The following TUT1 variants were observed in gnomAD, a reference collection of about 807,000 sequenced individuals.
TUT1 encodes the protein speckle targeted PIP5K1A-regulated poly(A) polymerase.
In TUT1, 26 loss-of-function variants were observed where a neutral mutation model predicts 48.8. The observed-to-expected ratio is 0.53, with a 90% CI of 0.39 to 0.74. The LOEUF (loss-of-function observed/expected upper bound fraction) is 0.74, where lower values mean the gene tolerates loss of function less well. Ranked by LOEUF, TUT1 falls within the 30% of genes least tolerant of loss-of-function variation. The pLI is 0.00. For missense variants in TUT1, 1,065 were observed against 1,114.8 expected (o/e 0.96, Z 0.64); for synonymous variants, 470 against 460.8 (o/e 1.02, Z -0.26).
intron 2 of TUT1, among the ~76,000 whole-genome samples, chr11:62,584,440 CTTTTT>C (rs35237248): frequency 7.7e-6 from 1 of 130,090 alleles, no homozygotes; most frequent in African/African-American, 2.8e-5. Context: ...AAATTGTATA[CTTTTT>C]TTTTTTTTTT....
At position 62,591,446 on chromosome 11, in the gene TUT1, C is replaced by A; in HGVS notation, c.40G>T (p.Gly14Trp). 1 of 1,609,648 alleles carries A rather than the reference C, an allele frequency of 6.2e-7. No homozygotes were observed. The highest frequency in any genetic ancestry group is 8.5e-7 in the Non-Finnish European group (1 of 1,178,022). The stretch of plus-strand genomic sequence containing the variant: ...TGGCAGAGGCAGCAGCGGAACCCCC[C>A]ACGCGGCAGCGATTCGACATCCGAA... The part of the protein sequence containing the change: ...VDSDVESLPR[G>W]GFRCCLCHVT... Residue 14 changes from glycine (G) to tryptophan (W), a missense_variant, in exon 1 of 9, where the codon GGG (glycine) becomes TGG (tryptophan). By Grantham distance (184) the Gly-to-Trp change is radical. Coordinates refer to ENST00000476907, the MANE Select transcript of TUT1 (RefSeq NM_022830.3).
rs752949516 is a variant in TUT1, at chr11:62,575,996, G to A, written c.1723C>T (p.Arg575Ter). Residue 575 changes from arginine (R) to a stop codon, truncating the protein, a stop_gained, in exon 9 of 9, where the codon CGA becomes TGA. Transcript: ENST00000476907. LOFTEE classifies it low-confidence loss of function (END_TRUNC). ...GAACGGCGCTGGTACTGGAGGCTTC[G>A]GCAGTAATTGGCTGCTGCTCGGCAG... is the stretch of plus-strand genomic sequence containing the variant. The part of the protein sequence containing the change: ...NCCRAAANYC[R>*]SLQYQRRSSR... 4 of 1,613,876 alleles carry A rather than the reference G, an allele frequency of 2.5e-6. No individual in the cohort carries two copies. Among genetic ancestry groups the A allele is most frequent in the East Asian group, 2.2e-5 (1 of 44,870 alleles).
Position 62,577,215 on chromosome 11 carries a change from G to A in TUT1, c.1237C>T (p.Leu413Phe). Residue 413 changes from leucine (L) to phenylalanine (F), a missense_variant, in exon 6 of 9, where the codon CTC becomes TTC. Physicochemically the swap from Leu to Phe is conservative, Grantham distance 22. Coordinates refer to ENST00000476907, the MANE Select transcript of TUT1 (RefSeq NM_022830.3). ...DGRVRPLVYT[L>F]RCWAQGRGLS... The stretch of plus-strand genomic sequence containing the variant: ...CCCCGACCCTGAGCCCAGCAGCGGA[G>A]GGTGTACACGAGGGGCCGGACTCGA... The A allele has an allele frequency of 6.2e-7, 1 of 1,610,536 alleles. No individual in the cohort carries two copies. The highest frequency in any genetic ancestry group is 8.5e-7 in the Non-Finnish European group (1 of 1,178,990).
Position 62,575,795 on chromosome 11 carries a change from T to G in TUT1, c.1924A>C (p.Thr642Pro), listed in dbSNP as rs750641487. The G allele has an allele frequency of 1.2e-6, 2 of 1,614,028 alleles. No homozygotes were observed. The highest frequency in any genetic ancestry group is 4.5e-5 in the East Asian group (2 of 44,874). Residue 642 changes from threonine (T) to proline (P), a missense_variant, in exon 9 of 9, where the codon ACG becomes CCG. Thr to Pro is a conservative substitution (Grantham distance 38). Coordinates refer to ENST00000476907, the MANE Select transcript of TUT1 (RefSeq NM_022830.3). Reference sequence around the variant, plus strand: ...CCAGTTCCACCTCCTTCTGACCGCGTTCTCTTGGTTGCCTGTTCTATATGG... The same window carrying G: ...CCAGTTCCACCTCCTTCTGACCGCGGTCTCTTGGTTGCCTGTTCTATATGG... ...GCHIEQATKR[T>P]RSEGGGTGES...
rs536177727 is a variant in TUT1, at chr11:62,588,380, CCT to C, written c.273+649_273+650del. ...ACCAGCCTGGCCAACATGGTGAAAC[CCT>C]GTCTCTACTAAAAATACAAAAATTA... On this transcript the variant is annotated intron_variant, in intron 2 of 8. Coordinates refer to ENST00000476907, the MANE Select transcript of TUT1 (RefSeq NM_022830.3). 2.7e-4 allele frequency among the ~76,000 whole-genome samples: 41 copies of C among 152,246 alleles called. 1 individual carries two copies. In the South Asian group the frequency reaches 6.8e-3, roughly 25 times the overall value.
rs1941722998 is a variant in TUT1 at position 62,576,098 on chromosome 11, G to C, written c.1621C>G (p.Leu541Val). The change falls in exon 9 of 9, where the codon CTC (leucine) becomes GTC (valine). Residue 541 changes from leucine (L) to valine (V), a missense_variant. Leu to Val is a conservative substitution (Grantham distance 32, BLOSUM62 1). Coordinates refer to ENST00000476907, the MANE Select transcript of TUT1 (RefSeq NM_022830.3). ...TGACTCAGGTCAAAAGGGTCCTGGA[G>C]ATTCAGGGGGCCAAGGCGCAGACCC... ...WEGLRLGPLN[L>V]QDPFDLSHNV... 1.2e-6 allele frequency: 2 copies of C among 1,613,932 alleles called. No homozygotes were observed. The highest frequency in any genetic ancestry group is 1.7e-5 in the Admixed American group (1 of 60,016).
In TUT1 at chr11:62,591,041, T is replaced by C. The variant is rs1296418079; in HGVS notation, c.82+363A>G. Among the ~76,000 whole-genome samples, 6 of 152,278 alleles carry C rather than the reference T, an allele frequency of 3.9e-5. No homozygotes were observed. The South Asian group carries it at 8.3e-4, about 21-fold the overall frequency. ...GTGGTCCCACAGTTCTCCGAACATA[T>C]CTATAAAGCATTGAAACTTTCTCAT... On this transcript the variant is annotated intron_variant, in intron 1 of 8. Transcript: ENST00000476907.
chr11:62,577,225 G>T lies in TUT1; in HGVS notation c.1227C>A (p.Leu409=). The T allele has an allele frequency of 6.2e-7, 1 of 1,611,592 alleles. No individual in the cohort carries two copies. Among genetic ancestry groups the T allele is most frequent in the South Asian group, 1.1e-5 (1 of 90,918 alleles). ...CSELDGRVRP[L]VYTLRCWAQG... Reference sequence around the variant, plus strand: ...GAGCCCAGCAGCGGAGGGTGTACACGAGGGGCCGGACTCGACCATCCAGCT... The same window carrying T: ...GAGCCCAGCAGCGGAGGGTGTACACTAGGGGCCGGACTCGACCATCCAGCT... The change falls in exon 6 of 9, where the codon CTC becomes CTA. Residue 409 remains leucine (L), a synonymous_variant. Coordinates refer to ENST00000476907, the MANE Select transcript of TUT1 (RefSeq NM_022830.3).
Position 62,575,824 on chromosome 11 carries a change from C to T in TUT1, c.1895G>A (p.Gly632Glu). 2 of 1,614,182 alleles carry T rather than the reference C, an allele frequency of 1.2e-6. No homozygotes were observed. ...ALVQVFREAL[G>E]CHIEQATKRT... ...CTTGGTTGCCTGTTCTATATGGCAC[C>T]CCAGTGCTTCCCTGAATACCTGCAC... The change falls in exon 9 of 9, where the codon GGG becomes GAG. Residue 632 changes from glycine (G) to glutamate (E), a missense_variant. Gly to Glu is a moderately conservative substitution (Grantham distance 98). Coordinates refer to ENST00000476907, the MANE Select transcript of TUT1 (RefSeq NM_022830.3).
At chr11:62,586,245 G>A (rs1941912662) in intron 2 of TUT1, among the ~76,000 whole-genome samples, 1 of 152,178 alleles carries the variant, frequency 6.6e-6, no homozygotes. Flanking sequence ...TCACACAAAC[G>A]ATGTCTGAGG....
intron 2 of TUT1, among the ~76,000 whole-genome samples, chr11:62,586,822 G>A (rs1279614688): frequency 1.3e-5 from 2 of 151,340 alleles, no homozygotes; most frequent in East Asian, 4.0e-4. Context: ...AGGCTGAGGC[G>A]GGAGAATTGC....
chr11:62,579,029 G>C lies in TUT1; in HGVS notation c.692C>G (p.Pro231Arg). Residue 231 changes from proline to arginine, a missense_variant and splice_region_variant, in exon 5 of 9, where the codon CCA (proline) becomes CGA (arginine). By Grantham distance (103) the Pro-to-Arg change is moderately radical (BLOSUM62 -2). Transcript: ENST00000476907. ...LDLGDLEEPQ[P>R]VPKAPESPSL... Reference sequence around the variant, plus strand: ...TGGAGATTCTGGAGCCTTTGGGACTGGCTGTGGACAGAAATGAACTGAGTG... The same window carrying C: ...TGGAGATTCTGGAGCCTTTGGGACTCGCTGTGGACAGAAATGAACTGAGTG... 1 of 1,508,718 alleles carries C rather than the reference G, an allele frequency of 6.6e-7. No individual in the cohort carries two copies. Among genetic ancestry groups the C allele is most frequent in the South Asian group, 1.4e-5 (1 of 73,418 alleles). 93.5% of individuals were successfully genotyped at this position (1,508,718 alleles called of 1,614,324 possible). A position where few individuals can be genotyped will look rare whatever the true frequency, so the allele number is the denominator to read the frequency against.
chr11:62,590,669 C>G (rs1941995985), intron 1 of TUT1, among the ~76,000 whole-genome samples: 1 of 150,990 alleles, frequency 6.6e-6, no homozygotes, highest in Non-Finnish European at 1.5e-5. Context: ...AGAAATTAGC[C>G]AAGTATGGTG....
chr11:62,586,531 C>G (rs115103590), intron 2 of TUT1, among the ~76,000 whole-genome samples: 4,317 of 152,274 alleles, frequency 0.028, 133 homozygotes, highest in African/African-American at 0.077. Flanking sequence ...GTAATCCCAG[C>G]AGTTTGCGTG....
chr11:62,577,222 C>A lies in TUT1; in HGVS notation c.1230G>T (p.Val410=). 1.2e-6 allele frequency: 2 copies of A among 1,611,452 alleles called. No homozygotes were observed. The highest frequency in any genetic ancestry group is 2.2e-5 in the South Asian group (2 of 90,886). Reference sequence around the variant, plus strand: ...CCTGAGCCCAGCAGCGGAGGGTGTACACGAGGGGCCGGACTCGACCATCCA... The same window carrying A: ...CCTGAGCCCAGCAGCGGAGGGTGTAAACGAGGGGCCGGACTCGACCATCCA... ...SELDGRVRPL[V]YTLRCWAQGR... is the part of the protein sequence containing the mutation. The change falls in exon 6 of 9, where the codon GTG becomes GTT. Residue 410 remains valine, a synonymous_variant. Coordinates refer to ENST00000476907, the MANE Select transcript of TUT1 (RefSeq NM_022830.3).
rs138487018 is a variant in TUT1, at chr11:62,575,517, G to A, written c.2202C>T (p.Ala734=). The part of the protein sequence containing the change: ...PGEEGQPSHA[A]LAERGPKGHE... Reference sequence around the variant, plus strand: ...GTCCCTTGGGCCCCCGCTCTGCCAGGGCTGCGTGGCTGGGCTGCCCCTCTT... The same window carrying A: ...GTCCCTTGGGCCCCCGCTCTGCCAGAGCTGCGTGGCTGGGCTGCCCCTCTT... Residue 734 remains alanine, a synonymous_variant, in exon 9 of 9, where the codon GCC becomes GCT. Transcript: ENST00000476907. 14 of 1,613,368 alleles carry A rather than the reference G, an allele frequency of 8.7e-6. No individual in the cohort carries two copies. Among genetic ancestry groups the A allele is most frequent in the Non-Finnish European group, 1.2e-5 (14 of 1,180,010 alleles).
intron 2 of TUT1, among the ~76,000 whole-genome samples, chr11:62,587,268 G>A (rs1378206709): frequency 3.9e-5 from 6 of 152,072 alleles, no homozygotes; most frequent in Non-Finnish European, 7.4e-5. Flanking sequence ...GGCAGCCTCC[G>A]CCTCCCGGGT....
At position 62,578,668 on chromosome 11, in the gene TUT1, A is replaced by C. The variant is rs765975585; in HGVS notation, c.1053T>G (p.Cys351Trp). ...LELVGSILRG[C>W]VPGVYRVQTV... ...TTTGGACTCGATACACCCCAGGGAC[A>C]CAGCCCCGGAGAATGGATCCCACCA... Residue 351 changes from cysteine (C) to tryptophan (W), a missense_variant, in exon 5 of 9, where the codon TGT becomes TGG. Cys to Trp is a radical substitution (Grantham distance 215, BLOSUM62 -2). Transcript: ENST00000476907. The C allele has an allele frequency of 1.2e-6, 2 of 1,614,244 alleles. No individual in the cohort carries two copies. Among genetic ancestry groups the C allele is most frequent in the Admixed American group, 3.3e-5 (2 of 60,022 alleles).
intron 2 of TUT1, 145 bp from the exon 3 acceptor site, chr11:62,581,846 T>C (rs1169303563): frequency 3.9e-6 from 3 of 773,368 alleles, no homozygotes; most frequent in Non-Finnish European, 5.6e-6. Context: ...AGGGGACATA[T>C]CTAGAAAAGC....
Sources: gnomAD v4.1 joint callset for allele counts (sites outside exome capture counted in the v4.1 genomes callset) on GRCh38, gnomAD v4.1.1 for gene constraint, MANE v1.5 for transcripts, NCBI Gene and HGNC (gene_info 2026-07-23, HGNC 2026-07-21) for gene names.